Variants in SLC24A1 observed in about 807,000 individuals in gnomAD.
The protein encoded by SLC24A1 is sodium/potassium/calcium exchanger 1.
In SLC24A1, 52 loss-of-function variants were observed where a neutral mutation model predicts 88.1. That is an observed-to-expected ratio of 0.59 (90% confidence interval 0.47 to 0.74). SLC24A1 has a LOEUF of 0.74. Among genes scored for constraint, SLC24A1 ranks in the 30% least tolerant of loss-of-function variants. SLC24A1 has a pLI of 0.00. For synonymous variants in SLC24A1, 455 were observed against 498.0 expected (o/e 0.91, Z 1.15); for missense variants, 1,173 against 1,363.3 (o/e 0.86, Z 2.20).
In SLC24A1 at chr15:65,650,290, T is replaced by C; in HGVS notation, c.2233-92T>C. On this transcript the variant is annotated intron_variant, in intron 6 of 9. Coordinates refer to ENST00000261892, the MANE Select transcript of SLC24A1 (RefSeq NM_004727.3). This position sits in a 1 kb window ranked among gnomAD's most constrained non-coding sequence, Gnocchi z 4.1. ...CATACTTAAGTTTTCAGATACCTTC[T>C]GAGAAGCACGCCAACAAAAAAATGG... The C allele has an allele frequency of 8.4e-6, 9 of 1,069,552 alleles. No homozygotes were observed. The highest frequency in any genetic ancestry group is 1.2e-5 in the Non-Finnish European group (9 of 742,406). 66.3% of individuals were successfully genotyped at this position (1,069,552 alleles called of 1,614,324 possible). A position where few individuals can be genotyped will look rare whatever the true frequency, so the allele number is the denominator to read the frequency against.
At position 65,642,795 on chromosome 15, in the gene SLC24A1, TAG is replaced by T. The variant is rs372834129; in HGVS notation, c.2054-1627_2054-1626del. 9.1e-3 allele frequency: 3,224 copies of T among 352,682 alleles called. 54 individuals carry two copies. The highest frequency in any genetic ancestry group is 0.036 in the South Asian group (1,634 of 45,400). 21.8% of individuals were successfully genotyped at this position (352,682 alleles called of 1,614,324 possible). ...ACTAACTGAGAGTTTAGGAGACAGG[TAG>T]AGAGGAGGAAATTCCAGACCCATTT... On this transcript the variant is annotated intron_variant, in intron 4 of 9. Transcript: ENST00000261892.
chr15:65,659,890 T>C (rs1445124053), downstream of SLC24A1: 1 of 157,836 alleles, frequency 6.3e-6, no homozygotes, highest in Non-Finnish European at 1.4e-5. Context: ...TGTCAGCCAT[T>C]TGAAATCAAT....
downstream of SLC24A1, chr15:65,656,267 T>C (rs2075680733): frequency 1.0e-6 from 1 of 984,854 alleles, no homozygotes; most frequent in African/African-American, 1.7e-5. Flanking sequence ...CTGACATCCT[T>C]TTCCCAGTTT....
upstream of SLC24A1, among the ~76,000 whole-genome samples, chr15:65,619,610 A>G (rs1020472974): frequency 2.6e-5 from 4 of 152,132 alleles, no homozygotes; most frequent in Admixed American, 2.6e-4. Flanking sequence ...GTACAACTGT[A>G]GAGTCAGCTG....
chr15:65,620,701 C>T (rs958597364), upstream of SLC24A1, among the ~76,000 whole-genome samples: 5 of 152,230 alleles, frequency 3.3e-5, no homozygotes, highest in Admixed American at 2.6e-4. Context: ...AAAGGAATCA[C>T]TTTTCTGAGG....
At chr15:65,614,732 G>A (rs1480735238) in intron 2 of SLC24A1, among the ~76,000 whole-genome samples, 1 of 152,306 alleles carries the variant, frequency 6.6e-6, no homozygotes, top group East Asian at 1.9e-4. Context: ...CTGAAAATAG[G>A]GTGAGCTTTA....
Position 65,654,514 on chromosome 15 carries a change from C to G in SLC24A1, c.*435C>G. The G allele has an allele frequency of 8.4e-7, 1 of 1,184,272 alleles. No individual in the cohort carries two copies. The highest frequency in any genetic ancestry group is 1.6e-5 in the South Asian group (1 of 62,032). 73.4% of individuals were successfully genotyped at this position (1,184,272 alleles called of 1,614,324 possible). On this transcript the variant is annotated 3_prime_UTR_variant, in exon 10 of 10. Coordinates refer to ENST00000261892, the MANE Select transcript of SLC24A1 (RefSeq NM_004727.3). ...ATCTCAGCCTTCCTGACCTCTGCCC[C>G]AAACACACGCTGCAATTTTGTCTCC...
chr15:65,625,898 C>G lies in SLC24A1; in HGVS notation c.1818C>G (p.Ile606Met). 6.2e-7 allele frequency: 1 copy of G among 1,613,962 alleles called. No homozygotes were observed. The highest frequency in any genetic ancestry group is 1.3e-5 in the African/African-American group (1 of 75,034). ...TCACCATGAAGTGGAACAAGCATAT[C>G]GAGGTCTGGGTGAAGGAGCAGCTCA... ...YVFTMKWNKHIEVWVKEQLSR... is the reference protein window; with the variant it reads ...YVFTMKWNKHMEVWVKEQLSR... Residue 606 changes from isoleucine (I) to methionine (M), a missense_variant, in exon 2 of 10, where the codon ATC becomes ATG. Coordinates refer to ENST00000261892, the MANE Select transcript of SLC24A1 (RefSeq NM_004727.3).
intron 2 of SLC24A1, among the ~76,000 whole-genome samples, chr15:65,632,467 A>T (rs1309292672): frequency 6.6e-6 from 1 of 152,132 alleles, no homozygotes; most frequent in Non-Finnish European, 1.5e-5. Flanking sequence ...TGCTTAGGTC[A>T]CTTCCAAGTG....
At position 65,613,125 on chromosome 15, in the gene SLC24A1, G is replaced by A. The variant is rs531531074; in HGVS notation, c.-228+512G>A. ...ATGAATTTCTTTTCCCCACTCAAACGACCCTCAGCATTTGCGTGTTTCCAC... is the reference window on the plus strand; with the variant it reads ...ATGAATTTCTTTTCCCCACTCAAACAACCCTCAGCATTTGCGTGTTTCCAC... On this transcript the variant is annotated intron_variant, in intron 2 of 11. Transcript: ENST00000537259. 3.9e-5 allele frequency among the ~76,000 whole-genome samples: 6 copies of A among 152,306 alleles called. No homozygotes were observed. The South Asian group carries it at 1.0e-3, about 26-fold the overall frequency.
chr15:65,639,641 ACAGCACCATCCG>A lies in SLC24A1; in HGVS notation c.2002_2013del (p.Arg668_Ile671del). 6.2e-7 allele frequency: 1 copy of A among 1,613,072 alleles called. No individual in the cohort carries two copies. The highest frequency in any genetic ancestry group is 8.5e-7 in the Non-Finnish European group (1 of 1,179,588). On this transcript the variant is annotated inframe_deletion, in exon 4 of 10. Transcript: ENST00000261892. Reference sequence around the variant, plus strand: ...GGGAGCAGCTCGACCTCTCTGCACAACAGCACCATCCGCAGCACCATCTACCAGCTCATGCTC... The same window carrying A: ...GGGAGCAGCTCGACCTCTCTGCACAACAGCACCATCTACCAGCTCATGCTC...
upstream of SLC24A1, among the ~76,000 whole-genome samples, chr15:65,619,924 T>G (rs2074267212): frequency 6.6e-6 from 1 of 152,116 alleles, no homozygotes; most frequent in African/African-American, 2.4e-5. Flanking sequence ...CTCTTCTCAG[T>G]GGTGCTGGCC....
intron 7 of SLC24A1, among the ~76,000 whole-genome samples, chr15:65,651,244 C>T (rs1359675204): frequency 2.0e-5 from 3 of 152,142 alleles, no homozygotes; most frequent in Non-Finnish European, 4.4e-5. Flanking sequence ...AGAATGATAC[C>T]ACTAAACCTC....
intron 2 of SLC24A1, among the ~76,000 whole-genome samples, chr15:65,616,414 C>T (rs944358470): frequency 6.6e-5 from 10 of 152,114 alleles, no homozygotes; most frequent in Admixed American, 1.3e-4. Context: ...TTTTAATGAT[C>T]GCCATTCTAA....
intron 2 of SLC24A1, among the ~76,000 whole-genome samples, chr15:65,636,894 A>AATAATAATAATG (rs1555405233): frequency 6.6e-6 from 1 of 150,702 alleles, no homozygotes; most frequent in African/African-American, 2.4e-5. Context: ...TAATAATAAT[A>AATAATAATAATG]GTAATCCCAA....
rs2075660030 is a variant in SLC24A1, at chr15:65,655,710, A to G, written c.*1631A>G. On this transcript the variant is annotated 3_prime_UTR_variant, in exon 10 of 10. Transcript: ENST00000261892. ...GACGGATGTGATATGAAAAAAACCCAAACATTTTGGCATTGAATGATGGCT... is the reference window on the plus strand; with the variant it reads ...GACGGATGTGATATGAAAAAAACCCGAACATTTTGGCATTGAATGATGGCT... 7.1e-6 allele frequency: 7 copies of G among 985,414 alleles called. No homozygotes were observed. The highest frequency in any genetic ancestry group is 8.4e-6 in the Non-Finnish European group (7 of 829,910). The allele number at this position is 985,414 out of a possible 1,614,324, so 61.0% of individuals were successfully genotyped here.
chr15:65,656,539 TA>T (rs2075689318), downstream of SLC24A1, among the ~76,000 whole-genome samples: 2 of 152,348 alleles, frequency 1.3e-5, no homozygotes, highest in South Asian at 4.1e-4. Flanking sequence ...GTTTTAGAGG[TA>T]AAGTACCATT....
rs768580234 is a variant in SLC24A1 at position 65,625,565 on chromosome 15, A to C, written c.1485A>C (p.Ala495=). 3.1e-6 allele frequency: 5 copies of C among 1,614,014 alleles called. No homozygotes were observed. Among genetic ancestry groups the C allele is most frequent in the Non-Finnish European group, 4.2e-6 (5 of 1,179,880 alleles). Residue 495 remains alanine, a synonymous_variant, in exon 2 of 10, where the codon GCA becomes GCC. Coordinates refer to ENST00000261892, the MANE Select transcript of SLC24A1 (RefSeq NM_004727.3). Reference sequence around the variant, plus strand: ...AGCTGCAGATCTCCGAGGATGTGGCAGGCGCCACATTCATGGCTGCTGGAG... The same window carrying C: ...AGCTGCAGATCTCCGAGGATGTGGCCGGCGCCACATTCATGGCTGCTGGAG... ...TDKLQISEDV[A]GATFMAAGGS... is the part of the protein sequence containing the mutation.
chr15:65,640,221 A>G (rs2075079465), intron 4 of SLC24A1, among the ~76,000 whole-genome samples: 1 of 152,130 alleles, frequency 6.6e-6, no homozygotes, highest in Non-Finnish European at 1.5e-5. Flanking sequence ...CTGGAGTCCT[A>G]GGAAACCTGC....
Sources: allele counts gnomAD v4.1 joint callset (sites outside exome capture counted in the v4.1 genomes callset), GRCh38; gene constraint gnomAD v4.1.1; non-coding constraint Gnocchi (gnomAD v3.1); transcripts MANE v1.5; gene names NCBI Gene and HGNC (gene_info 2026-07-23, HGNC 2026-07-21).